DPP10: variants seen among roughly 807,000 people sequenced by gnomAD.
The protein encoded by DPP10 is inactive dipeptidyl peptidase 10.
In DPP10, 33 loss-of-function variants were observed where a neutral mutation model predicts 120.9. The observed-to-expected ratio is 0.27, with a 90% CI of 0.21 to 0.37. The LOEUF is 0.37. Among genes scored for constraint, DPP10 ranks in the 10% least tolerant of loss-of-function variants. DPP10 has a pLI of 1.00. For missense variants in DPP10, 816 were observed against 942.8 expected (o/e 0.87, Z 1.76); for synonymous variants, 337 against 326.1 (o/e 1.03, Z -0.36).
At chr2:115,400,254 C>A (rs2104474207) in intron 3 of DPP10, among the ~76,000 whole-genome samples, 1 of 152,216 alleles carries the variant, frequency 6.6e-6, no homozygotes, top group Admixed American at 6.5e-5. Context: ...CATGTCATGG[C>A]TGAATTTACC....
At chr2:115,766,249 T>C (rs1405116373) in intron 12 of DPP10, among the ~76,000 whole-genome samples, 1 of 149,152 alleles carries the variant, frequency 6.7e-6, no homozygotes, top group African/African-American at 2.5e-5. Flanking sequence ...AATAGATGAA[T>C]GTATGGATAC....
intron 1 of DPP10, among the ~76,000 whole-genome samples, chr2:115,080,712 C>T (rs920303170): frequency 1.3e-5 from 2 of 152,096 alleles, no homozygotes; most frequent in Non-Finnish European, 2.9e-5. Context: ...TATTTTTTCC[C>T]ACATATTTCC....
intron 1 of DPP10, among the ~76,000 whole-genome samples, chr2:115,032,719 GA>G (rs1156648544): frequency 9.8e-5 from 14 of 143,166 alleles, no homozygotes; most frequent in Admixed American, 2.8e-4. Context: ...GGTATCTACT[GA>G]AAAAAAAAAC....
At chr2:115,298,742 A>G (rs2060996977) in intron 1 of DPP10, among the ~76,000 whole-genome samples, 1 of 152,048 alleles carries the variant, frequency 6.6e-6, no homozygotes, top group Non-Finnish European at 1.5e-5. Context: ...CTGGAGATTC[A>G]GAAGGGCTGT....
chr2:114,726,935 C>T (rs1238298062), intron 1 of DPP10, among the ~76,000 whole-genome samples: 1 of 152,196 alleles, frequency 6.6e-6, no homozygotes, highest in Non-Finnish European at 1.5e-5. Flanking sequence ...TATGCATAGT[C>T]TATCTTCATG....
At chr2:115,470,266 T>G (rs2074617466) in intron 3 of DPP10, among the ~76,000 whole-genome samples, 1 of 152,208 alleles carries the variant, frequency 6.6e-6, no homozygotes, top group South Asian at 2.1e-4. Flanking sequence ...AAGAAGAATG[T>G]GTTTCAGGGC....
At chr2:115,041,722 T>TAAC (rs1704660064) in intron 1 of DPP10, among the ~76,000 whole-genome samples, 1 of 152,208 alleles carries the variant, frequency 6.6e-6, no homozygotes, top group South Asian at 2.1e-4. Flanking sequence ...TCAAGAATTT[T>TAAC]AACAAGAGTT....
chr2:114,831,349 G>T (rs1687102252), intron 1 of DPP10, among the ~76,000 whole-genome samples: 1 of 152,104 alleles, frequency 6.6e-6, no homozygotes, highest in Non-Finnish European at 1.5e-5. Flanking sequence ...CAACTATCTA[G>T]CTGTCCAGTA....
intron 1 of DPP10, among the ~76,000 whole-genome samples, chr2:114,473,770 C>A (rs1290594364): frequency 6.6e-6 from 1 of 152,068 alleles, no homozygotes; most frequent in Non-Finnish European, 1.5e-5. Context: ...TTTTATGATA[C>A]ATTTTTAGTG....
chr2:115,122,319 G>C (rs1232503998), intron 1 of DPP10, among the ~76,000 whole-genome samples: 1 of 152,058 alleles, frequency 6.6e-6, no homozygotes, highest in Non-Finnish European at 1.5e-5. Context: ...GAGTGAACAG[G>C]GTTTCCCCCA....
chr2:115,387,492 T>A (rs12478263), intron 3 of DPP10, among the ~76,000 whole-genome samples: 123,320 of 152,080 alleles, frequency 0.81, 50,230 homozygotes, highest in Admixed American at 0.86. Context: ...CAGGATTTCC[T>A]TTGAACTCTG....
At chr2:114,925,007 T>G (rs371981577) in intron 1 of DPP10, among the ~76,000 whole-genome samples, 93 of 152,102 alleles carry the variant, frequency 6.1e-4, no homozygotes, top group Non-Finnish European at 1.1e-3. Context: ...GTCAGGAGTT[T>G]GAGACCAGCC....
intron 1 of DPP10, among the ~76,000 whole-genome samples, chr2:114,508,160 G>T (rs532945192): frequency 6.6e-6 from 1 of 151,744 alleles, no homozygotes; most frequent in Admixed American, 6.6e-5. Flanking sequence ...ATGGATTTTG[G>T]TCATTGTATG....
chr2:115,370,961 A>G (rs769019404), intron 3 of DPP10, among the ~76,000 whole-genome samples: 39 of 152,024 alleles, frequency 2.6e-4, no homozygotes, highest in Middle Eastern at 3.4e-3. Flanking sequence ...AAACAAAATA[A>G]CTCCCATTTT....
intron 1 of DPP10, among the ~76,000 whole-genome samples, chr2:114,781,848 G>A (rs970909475): frequency 3.9e-5 from 6 of 152,244 alleles, no homozygotes; most frequent in African/African-American, 1.2e-4. Flanking sequence ...TGGAAGGAGC[G>A]TCCAGGGCCA....
intron 1 of DPP10, among the ~76,000 whole-genome samples, chr2:114,869,149 T>C (rs1690475829): frequency 6.6e-6 from 1 of 152,268 alleles, no homozygotes; most frequent in Non-Finnish European, 1.5e-5. Flanking sequence ...AATAAAAATA[T>C]GCAATTGGGA....
chr2:115,244,743 A>G (rs1405434390), intron 1 of DPP10, among the ~76,000 whole-genome samples: 3 of 151,322 alleles, frequency 2.0e-5, no homozygotes, highest in African/African-American at 7.3e-5. Flanking sequence ...TGTTTTTCCA[A>G]TCCACATTCC....
At chr2:114,925,890 T>C (rs182719635) in intron 1 of DPP10, among the ~76,000 whole-genome samples, 2 of 152,284 alleles carry the variant, frequency 1.3e-5, no homozygotes, top group Admixed American at 1.3e-4. Flanking sequence ...CCTTGGCAAT[T>C]ATTCAAGCAG....
intron 1 of DPP10, chr2:115,234,685 G>GT (rs2057908600): frequency 1.3e-5 from 2 of 152,144 alleles, no homozygotes; most frequent in African/African-American, 2.4e-5. Flanking sequence ...CAGTTTTATT[G>GT]TTTTTCCTGA....
Sources: allele counts gnomAD v4.1 joint callset (sites outside exome capture counted in the v4.1 genomes callset), GRCh38; gene constraint gnomAD v4.1.1; transcripts MANE v1.5; gene names NCBI Gene and HGNC (gene_info 2026-07-23, HGNC 2026-07-21).